Variants in SSBP3 observed in about 807,000 individuals in gnomAD.
SSBP3 encodes the protein single-stranded DNA-binding protein 3.
SSBP3 carries 5 observed loss-of-function variants against 69.6 expected under a neutral mutation model. That is an observed-to-expected ratio of 0.07 (90% CI 0.04 to 0.15). SSBP3 has a LOEUF of 0.15. SSBP3 is among the 10% of genes least tolerant of loss of function. The pLI is 1.00. For missense variants in SSBP3, 312 were observed against 534.0 expected (o/e 0.58, Z 4.10); for synonymous variants, 196 against 193.4 (o/e 1.01, Z -0.11).
chr1:54,388,897 C>T (rs547605862), intron 4 of SSBP3, among the ~76,000 whole-genome samples: 54 of 152,326 alleles, frequency 3.5e-4, no homozygotes, highest in Admixed American at 1.2e-3. Flanking sequence ...CGAGGGATGT[C>T]CCTCTACAGA....
In SSBP3 at chr1:54,392,332, T is replaced by C. The variant is rs1482110639; in HGVS notation, c.276+9529A>G. On this transcript the variant is annotated intron_variant, in intron 4 of 17. Coordinates refer to ENST00000610401, the Ensembl canonical transcript of SSBP3. ...CTCTTGACCCAAGTCACTTAACTTG[T>C]AGGAACTAAGATTCAGTCTCAGCTG... 5.3e-5 allele frequency among the ~76,000 whole-genome samples: 8 copies of C among 152,202 alleles called. No individual in the cohort carries two copies. The East Asian group carries it at 1.5e-3, about 29-fold the overall frequency.
rs940598090 is a variant in SSBP3, at chr1:54,258,732, C to T, written c.367-583G>A. ...GGCACCGACAGATAAACAACAGAGG[C>T]AAGAGGAGCAAGGGGCACCACAGAT... On this transcript the variant is annotated intron_variant, in intron 5 of 17. Coordinates refer to ENST00000610401, the Ensembl canonical transcript of SSBP3. The surrounding 1 kb of genome is among the most constrained non-coding windows in gnomAD (Gnocchi z 4.5). Among the ~76,000 whole-genome samples, 2 of 152,128 alleles carry T rather than the reference C, an allele frequency of 1.3e-5. No individual in the cohort carries two copies. The highest frequency in any genetic ancestry group is 2.9e-5 in the Non-Finnish European group (2 of 68,024).
At chr1:54,323,537 C>A (rs767566945) in intron 4 of SSBP3, among the ~76,000 whole-genome samples, 1 of 152,196 alleles carries the variant, frequency 6.6e-6, no homozygotes, top group Non-Finnish European at 1.5e-5. Flanking sequence ...CCTGTCCCAA[C>A]AGGCAGGTAA....
intron 4 of SSBP3, among the ~76,000 whole-genome samples, chr1:54,329,922 A>G (rs1646378082): frequency 6.6e-6 from 1 of 152,132 alleles, no homozygotes; most frequent in Non-Finnish European, 1.5e-5. Flanking sequence ...GATTTTGGTC[A>G]ATACCCAGTA....
chr1:54,354,035 C>T (rs977372667), intron 4 of SSBP3, among the ~76,000 whole-genome samples: 4 of 152,150 alleles, frequency 2.6e-5, no homozygotes, highest in East Asian at 1.9e-4. Flanking sequence ...ACCACTCCCC[C>T]GGCTCAGCAA....
intron 4 of SSBP3, among the ~76,000 whole-genome samples, chr1:54,386,683 C>CTTTTTTTTTTTTTTTTTTTT (rs58429798): frequency 0.038 from 2,871 of 75,794 alleles, 496 homozygotes; most frequent in Non-Finnish European, 0.049. Context: ...ACTGATCCTA[C>CTTTTTTTTTTTTTTTTTTTT]TTTTTTTTTT....
rs1372856308 is a variant in SSBP3 at position 54,240,099 on chromosome 1, CGTGT to C, written c.856+802_856+805del. Among the ~76,000 whole-genome samples, 108 of 105,322 alleles carry C rather than the reference CGTGT, an allele frequency of 1.0e-3. 4 individuals are homozygous for C. The highest frequency in any genetic ancestry group is 2.7e-3 in the South Asian group (9 of 3,276). The allele number at this position is 105,322 out of a possible 152,430, so 69.1% of individuals were successfully genotyped here. On this transcript the variant is annotated intron_variant, in intron 13 of 17. Transcript: ENST00000610401. ...GTGTGTGTGTGTGTGCGCGCGCGCGCGTGTGCGTGCGCGCGCGCGCGCAACACAT... is the reference window on the plus strand; with the variant it reads ...GTGTGTGTGTGTGTGCGCGCGCGCGCGCGTGCGCGCGCGCGCGCAACACAT...
At chr1:54,300,494 C>T (rs1445653696) in intron 4 of SSBP3, among the ~76,000 whole-genome samples, 3 of 152,202 alleles carry the variant, frequency 2.0e-5, no homozygotes, top group Admixed American at 6.5e-5. Context: ...CTGTTGCACA[C>T]ATTAATGACA....
intron 4 of SSBP3, among the ~76,000 whole-genome samples, chr1:54,314,459 T>C (rs560896866): frequency 1.3e-5 from 2 of 152,186 alleles, no homozygotes; most frequent in African/African-American, 4.8e-5. Context: ...CCTGCAGTTG[T>C]GCCTACACCT....
chr1:54,337,308 G>C (rs1646524215), intron 4 of SSBP3, among the ~76,000 whole-genome samples: 1 of 152,082 alleles, frequency 6.6e-6, no homozygotes, highest in South Asian at 2.1e-4. Flanking sequence ...CCAGGACCTG[G>C]TGTTGCAGAA....
intron 4 of SSBP3, among the ~76,000 whole-genome samples, chr1:54,304,216 G>A (rs1021473974): frequency 6.6e-6 from 1 of 152,216 alleles, no homozygotes; most frequent in African/African-American, 2.4e-5. Context: ...GAGGACAGCA[G>A]GGCAGCCTTC....
At chr1:54,289,963 T>G (rs1443583409) in intron 4 of SSBP3, among the ~76,000 whole-genome samples, 1 of 152,060 alleles carries the variant, frequency 6.6e-6, no homozygotes, top group Non-Finnish European at 1.5e-5. Flanking sequence ...TCATCCAGTC[T>G]CTCTCCCTCC....
At chr1:54,295,265 G>T (rs774625905) in intron 4 of SSBP3, among the ~76,000 whole-genome samples, 13 of 152,164 alleles carry the variant, frequency 8.5e-5, no homozygotes, top group Non-Finnish European at 1.8e-4. Flanking sequence ...AATGGCTCCA[G>T]CCCCTAACAG....
At chr1:54,363,896 G>A (rs1006325399) in intron 4 of SSBP3, among the ~76,000 whole-genome samples, 1 of 152,214 alleles carries the variant, frequency 6.6e-6, no homozygotes, top group South Asian at 2.1e-4. Context: ...TCCCTAGAGA[G>A]GCCTGGACAG....
At chr1:54,404,808 TG>T (rs147574789) in intron 2 of SSBP3, 49 bp downstream of exon 2, 140,777 of 610,518 alleles carry the variant, frequency 0.23, 211 homozygotes, top group Admixed American at 0.31. Context: ...CTAAGAATAG[TG>T]GGGGGGGGGG....
chr1:54,366,042 AG>A (rs1231957845), intron 4 of SSBP3, among the ~76,000 whole-genome samples: 1 of 152,164 alleles, frequency 6.6e-6, no homozygotes, highest in African/African-American at 2.4e-5. Context: ...CCTGGCACAA[AG>A]GCAGGGCTGA....
At chr1:54,405,916 G>A in intron 1 of SSBP3, 37 bp downstream of exon 1, 3 of 1,072,516 alleles carry the variant, frequency 2.8e-6, no homozygotes, top group South Asian at 1.8e-5. Flanking sequence ...CCGCAGCCCG[G>A]CGGCGGCGCG....
intron 4 of SSBP3, among the ~76,000 whole-genome samples, chr1:54,295,990 CA>C (rs570420890): frequency 1.3e-5 from 2 of 152,212 alleles, no homozygotes; most frequent in African/African-American, 2.4e-5. Context: ...CTGTTGGTTC[CA>C]AAAAAGTGGA....
chr1:54,250,000 C>T (rs1418823710), intron 9 of SSBP3, among the ~76,000 whole-genome samples: 2 of 152,206 alleles, frequency 1.3e-5, no homozygotes, highest in Non-Finnish European at 2.9e-5. Context: ...CTGATTTCTA[C>T]ACCAATAAAA....
Sources: gnomAD v4.1 joint callset for allele counts (sites outside exome capture counted in the v4.1 genomes callset) on GRCh38, gnomAD v4.1.1 for gene constraint, Gnocchi (gnomAD v3.1) non-coding constraint, MANE v1.5 for transcripts, NCBI Gene and HGNC (gene_info 2026-07-23, HGNC 2026-07-21) for gene names.